PRR14: variants seen among roughly 807,000 people sequenced by gnomAD.
The protein encoded by PRR14 is proline-rich protein 14.
Under a neutral mutation model 57.2 loss-of-function variants are expected in PRR14, and 33 were observed. That is an observed-to-expected ratio of 0.58 (90% CI 0.44 to 0.77). The LOEUF is 0.77. Among genes scored for constraint, PRR14 ranks in the 30% least tolerant of loss-of-function variants. The pLI is 0.00. For synonymous variants in PRR14, 303 were observed against 314.7 expected (o/e 0.96, Z 0.39); for missense variants, 716 against 788.1 (o/e 0.91, Z 1.10).
intron 3 of PRR14, 34 bp from the exon 4 acceptor site, chr16:30,652,687 A>G (rs1254396057): frequency 2.5e-6 from 4 of 1,613,898 alleles, no homozygotes; most frequent in South Asian, 1.1e-5. Context: ...GCCTCATTCT[A>G]TCACCTTGCT....
chr16:30,655,564 T>G lies in PRR14; in HGVS notation c.1377T>G (p.Leu459=). The G allele has an allele frequency of 6.2e-7, 1 of 1,614,240 alleles. No individual in the cohort carries two copies. Among genetic ancestry groups the G allele is most frequent in the South Asian group, 1.1e-5 (1 of 91,080 alleles). ...RRTPARPQLN[L]TPMGLPRPIR... is the part of the protein sequence containing the mutation. The stretch of plus-strand genomic sequence containing the variant: ...CACCAGCCCGTCCTCAGCTAAACCT[T>G]ACACCAATGGGACTGCCTCGACCAA... Residue 459 remains leucine (L), a synonymous_variant, in exon 10 of 12, where the codon CTT becomes CTG. Coordinates refer to ENST00000300835, the MANE Select transcript of PRR14 (RefSeq NM_024031.5). The surrounding 1 kb of genome is among the most constrained non-coding windows in gnomAD (Gnocchi z 4.6).
rs146555278 is a variant in PRR14 at position 30,655,042 on chromosome 16, C to A, written c.1072C>A (p.Arg358=). ...TGCTCCACCCCAACCAAGCCGACCA[C>A]GGCCGCGGCGGCACACTGTGGGTGG... ...PPAPPQPSRP[R]PRRHTVGGGE... Residue 358 remains arginine, a synonymous_variant, in exon 8 of 12, where the codon CGG becomes AGG. Coordinates refer to ENST00000300835, the MANE Select transcript of PRR14 (RefSeq NM_024031.5). The surrounding 1 kb of genome is among the most constrained non-coding windows in gnomAD (Gnocchi z 4.6). The A allele has an allele frequency of 1.9e-6, 3 of 1,610,622 alleles. No homozygotes were observed. The African/African-American group carries it at 4.0e-5, about 21-fold the overall frequency.
chr16:30,651,625 C>G lies in PRR14; in HGVS notation c.-21C>G. ...CAGCCTGGGATTCCCCAGGGACCCC[C>G]CCGGAGCCGCCGCGTCTCCCATGGA... is the stretch of plus-strand genomic sequence containing the variant. On this transcript the variant is annotated 5_prime_UTR_variant, in exon 2 of 12. Transcript: ENST00000300835. The surrounding 1 kb of genome is among the most constrained non-coding windows in gnomAD (Gnocchi z 5.0). 6.3e-7 allele frequency: 1 copy of G among 1,591,004 alleles called. No homozygotes were observed. The highest frequency in any genetic ancestry group is 8.6e-7 in the Non-Finnish European group (1 of 1,168,344).
At chr16:30,650,946 G>T (rs1313433461), upstream of PRR14, 4 of 441,868 alleles carry the variant, frequency 9.1e-6, no homozygotes, top group Admixed American at 2.4e-5. Context: ...GGGCGTCTGT[G>T]GGCGGGACCT....
At position 30,655,968 on chromosome 16, in the gene PRR14, C is replaced by G; in HGVS notation, c.1478+29C>G. The G allele has an allele frequency of 6.2e-7, 1 of 1,611,178 alleles. No individual in the cohort carries two copies. Among genetic ancestry groups the G allele is most frequent in the Non-Finnish European group, 8.5e-7 (1 of 1,178,332 alleles). ...AGACACTTGGAAGGCTAGAGGGTGG[C>G]AGAGGGAAATCTGGAGCTGTGGAGC... On this transcript the variant is annotated intron_variant, in intron 11 of 11. Coordinates refer to ENST00000300835, the MANE Select transcript of PRR14 (RefSeq NM_024031.5). The surrounding 1 kb of genome is among the most constrained non-coding windows in gnomAD (Gnocchi z 4.6).
rs756238112 is a variant in PRR14, at chr16:30,653,321, G to A, written c.505-44G>A. 3.7e-6 allele frequency: 6 copies of A among 1,603,024 alleles called. 1 individual carries two copies. Among genetic ancestry groups the A allele is most frequent in the Admixed American group, 1.7e-5 (1 of 59,980 alleles). On this transcript the variant is annotated intron_variant, in intron 5 of 11. Transcript: ENST00000300835. ...AAGAGTCAGGATGTGGGGCACTAAG[G>A]GGGCTTTCCTGCCTCCCCACAAACA...
chr16:30,652,815 G>C lies in PRR14; in HGVS notation c.287G>C (p.Arg96Pro), dbSNP rs144165240. The part of the protein sequence containing the change: ...VHRQPPASPP[R>P]QAGWSSQARP... The stretch of plus-strand genomic sequence containing the variant: ...AGGCAGCCGCCTGCCTCGCCACCCC[G>C]GCAGGCCGGGTGGTCCTCGCAGGCC... The change falls in exon 4 of 12, where the codon CGG (arginine) becomes CCG (proline). Residue 96 changes from arginine (R) to proline (P), a missense_variant. Transcript: ENST00000300835. 21 of 1,614,150 alleles carry C rather than the reference G, an allele frequency of 1.3e-5. No homozygotes were observed. The highest frequency in any genetic ancestry group is 1.8e-5 in the Non-Finnish European group (21 of 1,180,028).
chr16:30,651,854 A>G lies in PRR14; in HGVS notation c.82A>G (p.Arg28Gly). The G allele has an allele frequency of 5.6e-6, 9 of 1,607,394 alleles. No homozygotes were observed. The highest frequency in any genetic ancestry group is 7.6e-6 in the Non-Finnish European group (9 of 1,178,834). ...QPLTRALWGA[R>G]SPKRPRLQLP... ...TCTGACTCGAGCATTATGGGGAGCC[A>G]GGAGCCCGAAACGGCCGAGGCTGCA... Residue 28 changes from arginine to glycine, a missense_variant, in exon 3 of 12, where the codon AGG (arginine) becomes GGG (glycine). Coordinates refer to ENST00000300835, the MANE Select transcript of PRR14 (RefSeq NM_024031.5). The surrounding 1 kb of genome is among the most constrained non-coding windows in gnomAD (Gnocchi z 5.0).
intron 6 of PRR14, 64 bp downstream of exon 6, chr16:30,653,472 A>G (rs2052334714): frequency 7.3e-6 from 11 of 1,511,204 alleles, no homozygotes; most frequent in Non-Finnish European, 1.0e-5. Context: ...AGGTAGCCAG[A>G]GCTAGGGGCA....
chr16:30,652,880 C>T (rs767112371), intron 4 of PRR14, 34 bp from the exon 5 acceptor site: 1 of 1,613,890 alleles, frequency 6.2e-7, no homozygotes, highest in Non-Finnish European at 8.5e-7. Context: ...GAGGGCCCAG[C>T]TGAGCCATTT....
chr16:30,656,312 G>C lies in PRR14; in HGVS notation c.*1G>C. 3 of 1,608,278 alleles carry C rather than the reference G, an allele frequency of 1.9e-6. No homozygotes were observed. The highest frequency in any genetic ancestry group is 2.5e-6 in the Non-Finnish European group (3 of 1,178,852). On this transcript the variant is annotated 3_prime_UTR_variant, in exon 12 of 12. Transcript: ENST00000300835. ...TCGGGAGCAGCCCCACTGGACCTAG[G>C]TGCCCCATCTGTTGGTCATCCATCC...
In PRR14 at chr16:30,652,802, G is replaced by T. The variant is rs772390392; in HGVS notation, c.274G>T (p.Ala92Ser). 2.5e-6 allele frequency: 4 copies of T among 1,614,100 alleles called. No individual in the cohort carries two copies. The highest frequency in any genetic ancestry group is 3.4e-6 in the Non-Finnish European group (4 of 1,180,052). Residue 92 changes from alanine (A) to serine (S), a missense_variant, in exon 4 of 12, where the codon GCC becomes TCC. Transcript: ENST00000300835. ...GGATCCTGTCCACAGGCAGCCGCCTGCCTCGCCACCCCGGCAGGCCGGGTG... is the reference window on the plus strand; with the variant it reads ...GGATCCTGTCCACAGGCAGCCGCCTTCCTCGCCACCCCGGCAGGCCGGGTG... Reference protein sequence around the residue: ...HQDPVHRQPPASPPRQAGWSS... With the variant: ...HQDPVHRQPPSSPPRQAGWSS...
Position 30,655,448 on chromosome 16 carries a change from C to T in PRR14, c.1314+28C>T, listed in dbSNP as rs769166149. ...AGGCATTCAGATCGGGTAGAAGAGA[C>T]TAGTGGGGGCCTGAGCCCATGTCAC... On this transcript the variant is annotated intron_variant, in intron 9 of 11. Transcript: ENST00000300835. The surrounding 1 kb of genome is among the most constrained non-coding windows in gnomAD (Gnocchi z 4.6). The T allele has an allele frequency of 5.6e-6, 9 of 1,613,668 alleles. No individual in the cohort carries two copies. In the African/African-American group the frequency reaches 9.3e-5, roughly 17 times the overall value.
Position 30,656,164 on chromosome 16 carries a change from G to T in PRR14, c.1611G>T (p.Gly537=), listed in dbSNP as rs780584198. 3 of 1,600,912 alleles carry T rather than the reference G, an allele frequency of 1.9e-6. No homozygotes were observed. Among genetic ancestry groups the T allele is most frequent in the Non-Finnish European group, 8.5e-7 (1 of 1,174,848 alleles). The change falls in exon 12 of 12, where the codon GGG becomes GGT. Residue 537 remains glycine (G), a synonymous_variant. Coordinates refer to ENST00000300835, the MANE Select transcript of PRR14 (RefSeq NM_024031.5). ...SLPRSRRPSR[G]VRAAGGRTVP... ...CTCGATCACGAAGACCGTCCCGTGG[G>T]GTCCGGGCTGCAGGGGGCAGGACTG...
At chr16:30,653,179 C>A in intron 5 of PRR14, 76 bp downstream of exon 5, 1 of 1,472,084 alleles carries the variant, frequency 6.8e-7, no homozygotes, top group South Asian at 1.3e-5. Flanking sequence ...AGGCCTGAGT[C>A]TTAGGTGGGT....
upstream of PRR14, chr16:30,650,954 C>A (rs780676747): frequency 1.1e-5 from 5 of 443,530 alleles, no homozygotes; most frequent in Admixed American, 4.7e-5. Context: ...GTGGGCGGGA[C>A]CTCCCGGGAT....
rs375377253 is a variant in PRR14, at chr16:30,651,657, C to T, written c.12C>T (p.Pro4=). 395 of 1,609,902 alleles carry T rather than the reference C, an allele frequency of 2.5e-4. No individual in the cohort carries two copies. Among genetic ancestry groups the T allele is most frequent in the Non-Finnish European group, 3.2e-4 (375 of 1,178,606 alleles). Residue 4 remains proline, a synonymous_variant, in exon 2 of 12, where the codon CCC becomes CCT. Coordinates refer to ENST00000300835, the MANE Select transcript of PRR14 (RefSeq NM_024031.5). This position sits in a 1 kb window ranked among gnomAD's most constrained non-coding sequence, Gnocchi z 5.0. MDL[P]GDSSPPGQPR... Reference sequence around the variant, plus strand: ...CCGCCGCGTCTCCCATGGACTTGCCCGGGGACTCCAGGTGAGAGCGTACCC... The same window carrying T: ...CCGCCGCGTCTCCCATGGACTTGCCTGGGGACTCCAGGTGAGAGCGTACCC...
intron 6 of PRR14, among the ~76,000 whole-genome samples, chr16:30,653,955 T>C (rs894828724): frequency 6.6e-6 from 1 of 152,136 alleles, no homozygotes; most frequent in Non-Finnish European, 1.5e-5. Context: ...AGAGCCACCA[T>C]GCTCAGACAA....
intron 3 of PRR14, 106 bp from the exon 4 acceptor site, chr16:30,652,615 C>T: frequency 7.3e-7 from 1 of 1,376,476 alleles, no homozygotes; most frequent in Non-Finnish European, 1.0e-6. Context: ...ATTCTAGCCC[C>T]AATCTCTGTT....
Sources: allele counts gnomAD v4.1 joint callset (sites outside exome capture counted in the v4.1 genomes callset), GRCh38; gene constraint gnomAD v4.1.1; non-coding constraint Gnocchi (gnomAD v3.1); transcripts MANE v1.5; gene names NCBI Gene and HGNC (gene_info 2026-07-23, HGNC 2026-07-21).